The following CRYM variants were observed in gnomAD, a reference collection of about 807,000 sequenced individuals.
The protein encoded by CRYM is ketimine reductase mu-crystallin.
A neutral mutation model predicts 32.9 loss-of-function variants in CRYM; 18 were observed. The observed-to-expected ratio is 0.55, with a 90% CI of 0.38 to 0.81. The LOEUF (loss-of-function observed/expected upper bound fraction) is 0.81, where lower values mean the gene tolerates loss of function less well. Ranked by LOEUF, CRYM falls within the 30% of genes least tolerant of loss-of-function variation. The pLI is 0.00. For synonymous variants in CRYM, 153 were observed against 152.4 expected (o/e 1.00, Z -0.03); for missense variants, 337 against 393.5 (o/e 0.86, Z 1.21).
At chr16:21,274,655 G>C (rs1186980140) in intron 3 of CRYM, among the ~76,000 whole-genome samples, 1 of 152,088 alleles carries the variant, frequency 6.6e-6, no homozygotes, top group African/African-American at 2.4e-5. Context: ...GCCCAGGCTA[G>C]AGTGCAGTGG....
intron 4 of CRYM, among the ~76,000 whole-genome samples, chr16:21,269,099 A>T (rs1016117789): frequency 6.9e-6 from 1 of 145,624 alleles, no homozygotes; most frequent in Admixed American, 7.1e-5. Flanking sequence ...AGCCGAGATT[A>T]TGCCACTGCA....
At chr16:21,275,451 TCTC>T in intron 3 of CRYM, 78 bp downstream of exon 3, 1 of 1,279,700 alleles carries the variant, frequency 7.8e-7, no homozygotes, top group Non-Finnish European at 1.1e-6. Context: ...GTTCCCCACT[TCTC>T]CTTTAGTCTC....
chr16:21,301,625 AG>A (rs1015021818), intron 1 of CRYM, among the ~76,000 whole-genome samples: 4 of 152,120 alleles, frequency 2.6e-5, no homozygotes, highest in African/African-American at 9.7e-5. Context: ...GGGACTGAGG[AG>A]GTTCTTGCGT....
chr16:21,284,953 A>G (rs928000214), intron 1 of CRYM, among the ~76,000 whole-genome samples: 2 of 152,104 alleles, frequency 1.3e-5, no homozygotes, highest in Non-Finnish European at 2.9e-5. Context: ...TTGACTTTTT[A>G]ATAATTGCCA....
At chr16:21,268,761 T>C (rs947748547) in intron 4 of CRYM, 14 of 152,188 alleles carry the variant, frequency 9.2e-5, no homozygotes, top group Admixed American at 9.2e-4. Flanking sequence ...AGCTATGTTA[T>C]AAAAAGCTGA....
intron 1 of CRYM, among the ~76,000 whole-genome samples, chr16:21,290,490 A>G (rs1960616059): frequency 6.6e-6 from 1 of 152,082 alleles, no homozygotes; most frequent in Admixed American, 6.5e-5. Context: ...GAATTGTAAC[A>G]CTCACCGCAA....
rs147233841 is a variant in CRYM, at chr16:21,278,144, G to T, written c.108C>A (p.Ser36Arg). 761 of 1,551,168 alleles carry T rather than the reference G, an allele frequency of 4.9e-4. 1 individual carries two copies. Among genetic ancestry groups the T allele is most frequent in the Middle Eastern group, 1.2e-3 (7 of 5,642 alleles). ...PLETALANFS[S>R]GPEGGVMQPV... ...GCTGCATGACCCCTCCTTCGGGACC[G>T]CTGGAGAAGTTGGCCAGGGCCGTCT... The change falls in exon 1 of 8, where the codon AGC becomes AGA. Residue 36 changes from serine (S) to arginine (R), a missense_variant. Transcript: ENST00000572914.
At chr16:21,299,331 CAG>C (rs1178025050) in intron 1 of CRYM, among the ~76,000 whole-genome samples, 1 of 151,314 alleles carries the variant, frequency 6.6e-6, no homozygotes, top group Non-Finnish European at 1.5e-5. Context: ...CTTTTTGAAA[CAG>C]AGTCTCACTC....
intron 7 of CRYM, 77 bp from the exon 8 acceptor site, chr16:21,258,922 G>A: frequency 8.5e-7 from 1 of 1,181,916 alleles, no homozygotes; most frequent in Non-Finnish European, 1.3e-6. Flanking sequence ...ATGGCTGGAA[G>A]TTTCCTGATA....
At chr16:21,261,473 T>C (rs2093354413) in intron 6 of CRYM, 135 bp from the exon 7 acceptor site, 1 of 693,936 alleles carries the variant, frequency 1.4e-6, no homozygotes, top group South Asian at 1.6e-5. Flanking sequence ...AAGAGAGAGA[T>C]CCTTTGTACA....
chr16:21,258,838 T>C lies in CRYM; in HGVS notation c.888A>G (p.Ala296=). Residue 296 remains alanine, a synonymous_variant, in exon 8 of 8, where the codon GCA becomes GCG. Coordinates refer to ENST00000572914, the MANE Select transcript of CRYM (RefSeq NM_001376256.1). ...GTTTGGCTGCAACTGTGTCTTCCAC[T>C]GCCATTCCTAGAATAGACAGAAATT... The part of the protein sequence containing the change: ...KTTVFKSLGM[A]VEDTVAAKLI... The C allele has an allele frequency of 6.2e-7, 1 of 1,614,148 alleles. No homozygotes were observed. Among genetic ancestry groups the C allele is most frequent in the East Asian group, 2.2e-5 (1 of 44,880 alleles).
intron 3 of CRYM, among the ~76,000 whole-genome samples, chr16:21,271,970 T>A (rs2093376345): frequency 2.0e-5 from 3 of 151,962 alleles, no homozygotes; most frequent in Admixed American, 2.0e-4. Flanking sequence ...GCGATTCTCA[T>A]GCCTCAGCCT....
intron 1 of CRYM, chr16:21,283,939 C>G (rs893764774): frequency 2.6e-5 from 4 of 152,872 alleles, no homozygotes; most frequent in African/African-American, 9.7e-5. Context: ...CACCCCGCAG[C>G]GGCGGAGGCG....
intron 5 of CRYM, among the ~76,000 whole-genome samples, chr16:21,262,977 C>T (rs796486201): frequency 1.1e-4 from 16 of 152,358 alleles, no homozygotes; most frequent in African/African-American, 3.6e-4. Flanking sequence ...TGCTTATTCA[C>T]ACCTCACTCT....
At position 21,260,815 on chromosome 16, in the gene CRYM, C is replaced by T. The variant is rs117420101; in HGVS notation, c.880+439G>A. ...TGAACAGGGCTTAGGCTATACTTTC[C>T]ATCTGACTCTTTCAGGTTGGGTCTC... On this transcript the variant is annotated intron_variant, in intron 7 of 7. Transcript: ENST00000572914. Among the ~76,000 whole-genome samples, 1,020 of 152,308 alleles carry T rather than the reference C, an allele frequency of 6.7e-3. 9 individuals carry two copies. Among genetic ancestry groups the T allele is most frequent in the Middle Eastern group, 0.061 (18 of 294 alleles).
chr16:21,269,957 T>C (rs1225580117), intron 3 of CRYM, 66 bp from the exon 4 acceptor site: 8 of 1,090,854 alleles, frequency 7.3e-6, no homozygotes, highest in South Asian at 6.2e-5. Flanking sequence ...AAAACTAAGA[T>C]GGTTTGAGTA....
chr16:21,259,624 C>T (rs1183936736), intron 7 of CRYM, among the ~76,000 whole-genome samples: 2 of 152,088 alleles, frequency 1.3e-5, no homozygotes, highest in South Asian at 2.1e-4. Flanking sequence ...TATTTTCTCC[C>T]CCCATTCATT....
chr16:21,275,244 G>A (rs2093383909), intron 3 of CRYM, among the ~76,000 whole-genome samples: 1 of 152,186 alleles, frequency 6.6e-6, no homozygotes, highest in Admixed American at 6.5e-5. Context: ...GAAGCTCTCT[G>A]AGCCATATTC....
rs1042061611 is a variant in CRYM, at chr16:21,277,778, T to C, written c.171-194A>G. Among the ~76,000 whole-genome samples the C allele has an allele frequency of 6.6e-6, 1 of 152,196 alleles. No individual in the cohort carries two copies. The highest frequency in any genetic ancestry group is 2.4e-5 in the African/African-American group (1 of 41,432). ...AAGTCTGGCTCTGGATCAGAAAACC[T>C]TTCCAGCTCTGCCACTTAGTAGCTG... is the stretch of plus-strand genomic sequence containing the variant. On this transcript the variant is annotated intron_variant, in intron 1 of 7. Transcript: ENST00000572914. The surrounding 1 kb of genome is among the most constrained non-coding windows in gnomAD (Gnocchi z 4.2).
Sources: gnomAD v4.1 joint callset for allele counts (sites outside exome capture counted in the v4.1 genomes callset) on GRCh38, gnomAD v4.1.1 for gene constraint, Gnocchi (gnomAD v3.1) non-coding constraint, MANE v1.5 for transcripts, NCBI Gene and HGNC (gene_info 2026-07-23, HGNC 2026-07-21) for gene names.